Variants in PHEX observed in about 807,000 individuals in gnomAD.
PHEX encodes the protein phosphate-regulating neutral endopeptidase PHEX.
Under a neutral mutation model 68.0 loss-of-function variants are expected in PHEX, and 16 were observed. The ratio of observed to expected loss-of-function variants is 0.24; its 90% CI spans 0.16 to 0.36. The LOEUF (loss-of-function observed/expected upper bound fraction) is 0.36. Among genes scored for constraint, PHEX ranks in the 10% least tolerant of loss-of-function variants. The pLI is 1.00. For synonymous variants in PHEX, 208 were observed against 205.1 expected (o/e 1.01, Z -0.12); for missense variants, 480 against 575.5 (o/e 0.83, Z 1.70).
intron 21 of PHEX, among the ~76,000 whole-genome samples, chrX:22,246,094 G>A (rs757340931): frequency 9.0e-6 from 1 of 111,394 alleles, no homozygotes; most frequent in East Asian, 2.8e-4. Flanking sequence ...ATTTTGAAAC[G>A]GTAGCTTATA....
At chrX:22,110,976 T>C (rs745676898) in intron 9 of PHEX, among the ~76,000 whole-genome samples, 1 of 112,112 alleles carries the variant, frequency 8.9e-6, no homozygotes, top group African/African-American at 3.2e-5. Flanking sequence ...ATCTTTGGGA[T>C]GTGGGAGGAA....
chrX:22,047,192 T>C lies in PHEX; in HGVS notation c.330T>C (p.Asn110=). 8.3e-7 allele frequency: 1 copy of C among 1,209,323 alleles called. No individual in the cohort carries two copies. The highest frequency in any genetic ancestry group is 1.1e-6 in the Non-Finnish European group (1 of 893,242). ...GGGTTTATCCTTGGCTGAGACATAA[T>C]GTTGACCTCAAGTTGAAGGGTAAGT... ...SYGVYPWLRH[N]VDLKLKELLE... is the part of the protein sequence containing the mutation. The change falls in exon 3 of 22, where the codon AAT becomes AAC. Residue 110 remains asparagine (N), a synonymous_variant. Coordinates refer to ENST00000379374, the MANE Select transcript of PHEX (RefSeq NM_000444.6).
At chrX:22,095,126 G>T (rs184362291) in intron 7 of PHEX, among the ~76,000 whole-genome samples, 14 of 111,498 alleles carry the variant, frequency 1.3e-4, no homozygotes, top group African/African-American at 4.6e-4. Context: ...TAAGGGTAAG[G>T]AGGAATTGGT....
chrX:22,155,120 C>T (rs1022368996), intron 12 of PHEX, among the ~76,000 whole-genome samples: 6 of 112,370 alleles, frequency 5.3e-5, no homozygotes, highest in African/African-American at 1.9e-4. Context: ...CCATATTGGT[C>T]GGGCTAGTTT....
chrX:22,170,131 A>T (rs1478996507), intron 13 of PHEX, among the ~76,000 whole-genome samples: 4 of 112,372 alleles, frequency 3.6e-5, no homozygotes, highest in Non-Finnish European at 7.5e-5. Context: ...AAAGCACAGT[A>T]GGTATTTTAA....
chrX:22,144,667 TATTAAC>T (rs1179788946), intron 12 of PHEX, among the ~76,000 whole-genome samples: 1 of 110,518 alleles, frequency 9.0e-6, no homozygotes, highest in Admixed American at 9.7e-5. Context: ...TACTTGACAA[TATTAAC>T]ATTAATTCCT....
At chrX:22,118,799 A>T (rs1931357297) in intron 11 of PHEX, among the ~76,000 whole-genome samples, 1 of 111,889 alleles carries the variant, frequency 8.9e-6, no homozygotes, top group Admixed American at 9.5e-5. Context: ...CCAACTGTGC[A>T]TTTGGACACA....
Position 22,055,174 on chromosome X carries a change from C to CAAAAAAAAAAAA in PHEX, c.349+7993_349+8004dup, listed in dbSNP as rs111628195. Among the ~76,000 whole-genome samples the CAAAAAAAAAAAA allele has an allele frequency of 4.6e-3, 305 of 65,998 alleles. 18 individuals carry two copies. Among genetic ancestry groups the CAAAAAAAAAAAA allele is most frequent in the Non-Finnish European group, 6.0e-3 (200 of 33,100 alleles). 57.3% of individuals were successfully genotyped at this position (65,998 alleles called of 115,157 possible). A position where few individuals can be genotyped will look rare whatever the true frequency, so the allele number is the denominator to read the frequency against. On this transcript the variant is annotated intron_variant, in intron 3 of 21. Transcript: ENST00000379374. ...CGGGCAACAGAGAGAGACTCCAGCT[C>CAAAAAAAAAAAA]AAAAAAAAAAAAAAAAAAAAAAAAA...
At chrX:22,240,940 C>A (rs770275964) in intron 20 of PHEX, among the ~76,000 whole-genome samples, 3 of 112,353 alleles carry the variant, frequency 2.7e-5, no homozygotes, top group African/African-American at 9.7e-5. Flanking sequence ...ATCTACAGAA[C>A]TGTCCATCCC....
At chrX:22,180,411 T>C (rs66518468) in intron 14 of PHEX, among the ~76,000 whole-genome samples, 13,669 of 110,943 alleles carry the variant, frequency 0.12, 1,866 homozygotes, top group African/African-American at 0.39. Context: ...ATTTCAGTTA[T>C]AGGATCTCTC....
intron 20 of PHEX, among the ~76,000 whole-genome samples, chrX:22,233,789 C>T (rs181627690): frequency 8.7e-4 from 97 of 111,697 alleles, no homozygotes; most frequent in African/African-American, 3.0e-3. Context: ...TTTGTTATCA[C>T]CCACCTTCTG....
intron 3 of PHEX, among the ~76,000 whole-genome samples, chrX:22,072,165 T>C (rs959623954): frequency 2.7e-5 from 3 of 112,110 alleles, no homozygotes; most frequent in African/African-American, 9.7e-5. Flanking sequence ...GAGGCGGAGG[T>C]TGCAGTGAGC....
intron 20 of PHEX, among the ~76,000 whole-genome samples, chrX:22,236,767 C>G (rs1935994731): frequency 9.6e-6 from 1 of 104,516 alleles, no homozygotes; most frequent in Non-Finnish European, 2.0e-5. Flanking sequence ...TTGCTAACCC[C>G]TGCTCTAGAG....
rs1936517624 is a variant in PHEX at position 22,249,667 on chromosome X, C to T, written c.*1714C>T. ...ACTTGTGAAGGGCAGCTACCTTGTC[C>T]TCCTCTTAACCTGGCTTAATGTGAC... is the stretch of plus-strand genomic sequence containing the variant. On this transcript the variant is annotated 3_prime_UTR_variant, in exon 22 of 22. Coordinates refer to ENST00000379374, the MANE Select transcript of PHEX (RefSeq NM_000444.6). 1.9e-5 allele frequency: 2 copies of T among 106,321 alleles called. No homozygotes were observed. The highest frequency in any genetic ancestry group is 4.2e-4 in the South Asian group (1 of 2,406). 8.8% of individuals were successfully genotyped at this position (106,321 alleles called of 1,213,427 possible).
intron 2 of PHEX, among the ~76,000 whole-genome samples, chrX:22,040,637 G>A (rs1927231567): frequency 8.9e-6 from 1 of 111,742 alleles, no homozygotes; most frequent in Non-Finnish European, 1.9e-5. Context: ...GAAGACTGAG[G>A]CAAGGGCTTT....
At chrX:22,228,805 G>A (rs751027335) in intron 20 of PHEX, among the ~76,000 whole-genome samples, 5 of 111,625 alleles carry the variant, frequency 4.5e-5, no homozygotes, top group Non-Finnish European at 7.5e-5. Flanking sequence ...GTATACATGT[G>A]CCATGGTAGT....
At chrX:22,039,646 G>A (rs950125086) in intron 2 of PHEX, among the ~76,000 whole-genome samples, 5 of 112,254 alleles carry the variant, frequency 4.5e-5, no homozygotes, top group East Asian at 2.8e-4. Flanking sequence ...GACTATATGC[G>A]GGTTTAAGGA....
At chrX:22,093,123 C>T (rs1929976269) in intron 6 of PHEX, among the ~76,000 whole-genome samples, 1 of 112,102 alleles carries the variant, frequency 8.9e-6, no homozygotes, top group Non-Finnish European at 1.9e-5. Context: ...ATGCTAAGTA[C>T]TGTATAGGTC....
chrX:22,155,657 G>C (rs774332938), intron 12 of PHEX, among the ~76,000 whole-genome samples: 2 of 111,468 alleles, frequency 1.8e-5, no homozygotes, highest in Non-Finnish European at 3.8e-5. Flanking sequence ...TTCTATACTG[G>C]CTGTGTTTTA....
Sources: gnomAD v4.1 joint callset for allele counts (sites outside exome capture counted in the v4.1 genomes callset) on GRCh38, gnomAD v4.1.1 for gene constraint, MANE v1.5 for transcripts, NCBI Gene and HGNC (gene_info 2026-07-23, HGNC 2026-07-21) for gene names.